The following SIRPD variants were observed in gnomAD, a reference collection of about 807,000 sequenced individuals.
SIRPD encodes the protein signal regulatory protein delta, also known as signal-regulatory protein delta.
SIRPD carries 21 observed loss-of-function variants against 18.0 expected under a neutral mutation model. That is an observed-to-expected ratio of 1.17 (90% confidence interval 0.83 to 1.68). The LOEUF is 1.68. Among genes scored for constraint, SIRPD ranks in the 40% most tolerant of loss-of-function variants. The pLI is 0.00. For missense variants in SIRPD, 295 were observed against 238.4 expected, an observed-to-expected ratio of 1.24 and a Z score of -1.56; for synonymous variants, 106 against 92.9, an observed-to-expected ratio of 1.14 and a Z score of -0.81.
chr20:1,551,957 C>T lies in SIRPD; in HGVS notation c.155G>A (p.Ser52Asn), dbSNP rs1200417198. Residue 52 changes from serine (S) to asparagine (N), a missense_variant, in exon 2 of 4, where the codon AGC becomes AAC. Physicochemically the swap from Ser to Asn is conservative, Grantham distance 46. Transcript: ENST00000381623. Reference sequence around the variant, plus strand: ...TCCATTTGGTAAGGTATTGGGTACGCTGCAACTCAAGATGATTGACTCCCC... The same window carrying T: ...TCCATTTGGTAAGGTATTGGGTACGTTGCAACTCAAGATGATTGACTCCCC... ...STGESIILSCSVPNTLPNGPV... is the reference protein window; with the variant it reads ...STGESIILSCNVPNTLPNGPV... 2 of 1,614,040 alleles carry T rather than the reference C, an allele frequency of 1.2e-6. No individual in the cohort carries two copies. Among genetic ancestry groups the T allele is most frequent in the Non-Finnish European group, 1.7e-6 (2 of 1,179,978 alleles).
chr20:1,540,283 T>C, intron 2 of SIRPD: 1 of 456,060 alleles, frequency 2.2e-6, no homozygotes, highest in South Asian at 1.5e-5. Flanking sequence ...GATGCCTTGA[T>C]TTCAGTCCAG....
chr20:1,543,024 C>T lies in SIRPD; in HGVS notation c.422-5714G>A, dbSNP rs928094013. Among the ~76,000 whole-genome samples, 5 of 152,142 alleles carry T rather than the reference C, an allele frequency of 3.3e-5. 1 individual carries two copies. The highest frequency in any genetic ancestry group is 4.1e-4 in the South Asian group (2 of 4,832). On this transcript the variant is annotated intron_variant, in intron 2 of 3. Transcript: ENST00000381623. ...AAGATTTTTAATGTGCTGCTGCATT[C>T]GGTTAGCCAGTATTTTATTGAGGAT...
At chr20:1,556,929 A>G (rs1417718302) in intron 1 of SIRPD, among the ~76,000 whole-genome samples, 1 of 152,222 alleles carries the variant, frequency 6.6e-6, no homozygotes, top group Non-Finnish European at 1.5e-5. Flanking sequence ...ACAGAGAAAT[A>G]AAAAACTGAA....
rs200908978 is a variant in SIRPD, at chr20:1,534,339, A to C, written c.*86T>G. On this transcript the variant is annotated 3_prime_UTR_variant, in exon 4 of 4. Transcript: ENST00000381623. ...AAAGCTCTCTTGAAGAAGGCAAATGAAACTCCTAAAAAGTAGCTGTCTCCA... is the reference window on the plus strand; with the variant it reads ...AAAGCTCTCTTGAAGAAGGCAAATGCAACTCCTAAAAAGTAGCTGTCTCCA... The C allele has an allele frequency of 3.8e-6, 6 of 1,574,944 alleles. No individual in the cohort carries two copies. The South Asian group carries it at 5.8e-5, about 15-fold the overall frequency.
chr20:1,554,493 G>A (rs879559400), intron 1 of SIRPD, among the ~76,000 whole-genome samples: 1 of 152,150 alleles, frequency 6.6e-6, no homozygotes, highest in Non-Finnish European at 1.5e-5. Context: ...ATAGGAGAAT[G>A]ACACTTTCCT....
intron 3 of SIRPD, among the ~76,000 whole-genome samples, chr20:1,535,164 A>G (rs1352911955): frequency 6.6e-6 from 1 of 152,244 alleles, no homozygotes; most frequent in Non-Finnish European, 1.5e-5. Flanking sequence ...TACATAGAAA[A>G]GGGTCCCCAA....
intron 2 of SIRPD, among the ~76,000 whole-genome samples, chr20:1,547,901 T>C (rs2091001026): frequency 6.6e-6 from 1 of 152,218 alleles, no homozygotes; most frequent in Admixed American, 6.5e-5. Context: ...TCCAAGTGTG[T>C]GGAAATGTAA....
At chr20:1,537,601 C>G (rs1600062082) in intron 2 of SIRPD, among the ~76,000 whole-genome samples, 1 of 152,142 alleles carries the variant, frequency 6.6e-6, no homozygotes, top group Admixed American at 6.5e-5. Context: ...AACGGTGTGT[C>G]CAGCCTCCTG....
chr20:1,541,896 A>G (rs1386409902), intron 2 of SIRPD, among the ~76,000 whole-genome samples: 1 of 152,190 alleles, frequency 6.6e-6, no homozygotes, highest in Non-Finnish European at 1.5e-5. Flanking sequence ...TAAATAGGGA[A>G]TCCTTTCCCC....
At position 1,555,365 on chromosome 20, in the gene SIRPD, G is replaced by T. The variant is rs535901277; in HGVS notation, c.73+2216C>A. ...AGAGTTGGACAAGGAAATGGGAGAT[G>T]CTGGTCAAAGCCTATAAAGTTGTAG... On this transcript the variant is annotated intron_variant, in intron 1 of 3. Coordinates refer to ENST00000381623, the MANE Select transcript of SIRPD (RefSeq NM_178460.3). Among the ~76,000 whole-genome samples the T allele has an allele frequency of 3.9e-5, 6 of 152,336 alleles. No homozygotes were observed. The East Asian group carries it at 9.6e-4, about 24-fold the overall frequency.
intron 3 of SIRPD, 59 bp from the exon 4 acceptor site, chr20:1,534,500 C>A: frequency 6.6e-7 from 1 of 1,505,270 alleles, no homozygotes; most frequent in Non-Finnish European, 9.1e-7. Flanking sequence ...AAGCTAAGAG[C>A]AGACACAATT....
chr20:1,549,505 G>A (rs1326193135), intron 2 of SIRPD, among the ~76,000 whole-genome samples: 1 of 151,696 alleles, frequency 6.6e-6, no homozygotes, highest in Non-Finnish European at 1.5e-5. Context: ...CACAACCACC[G>A]AGGCTTGTTA....
chr20:1,544,328 C>T (rs1474476640), intron 2 of SIRPD, among the ~76,000 whole-genome samples: 1 of 152,050 alleles, frequency 6.6e-6, no homozygotes, highest in Admixed American at 6.5e-5. Context: ...GGATAGTTAG[C>T]TCTTTTTGTT....
intron 2 of SIRPD, among the ~76,000 whole-genome samples, chr20:1,548,749 C>T (rs1327185680): frequency 8.5e-6 from 1 of 117,236 alleles, no homozygotes; most frequent in Admixed American, 8.1e-5. Context: ...TATAGGCACA[C>T]ATTTTTTCAT....
At chr20:1,541,736 T>C (rs1172374413) in intron 2 of SIRPD, among the ~76,000 whole-genome samples, 1 of 152,240 alleles carries the variant, frequency 6.6e-6, no homozygotes, top group Non-Finnish European at 1.5e-5. Flanking sequence ...TGAATGGTAT[T>C]GTCTAGGTTT....
In SIRPD at chr20:1,544,407, G is replaced by C. The variant is rs1302643133; in HGVS notation, c.422-7097C>G. 2.8e-4 allele frequency among the ~76,000 whole-genome samples: 41 copies of C among 147,628 alleles called. 1 individual carries two copies. On this transcript the variant is annotated intron_variant, in intron 2 of 3. Coordinates refer to ENST00000381623, the MANE Select transcript of SIRPD (RefSeq NM_178460.3). ...TTTGATCTTTGTTGGTTTAAAGTCTGTTTTATCAGAGACTAGGATTGCAAC... is the reference window on the plus strand; with the variant it reads ...TTTGATCTTTGTTGGTTTAAAGTCTCTTTTATCAGAGACTAGGATTGCAAC...
intron 2 of SIRPD, among the ~76,000 whole-genome samples, chr20:1,547,406 T>G (rs566575961): frequency 6.6e-6 from 1 of 152,286 alleles, no homozygotes; most frequent in Admixed American, 6.5e-5. Flanking sequence ...GGACTTGTAG[T>G]GAACTTTTAT....
intron 2 of SIRPD, chr20:1,540,137 A>G: frequency 3.0e-6 from 1 of 336,768 alleles, no homozygotes; most frequent in South Asian, 2.3e-5. Context: ...AATGGAACAC[A>G]GAGAGATTTA....
Position 1,537,267 on chromosome 20 carries a change from T to C in SIRPD, c.465A>G (p.Ala155=). ...GGGCATCATGGTGGGCCCTGGAGCCTGCTCTGCCTGCAGGTCTGTTCTTGG... is the reference window on the plus strand; with the variant it reads ...GGGCATCATGGTGGGCCCTGGAGCCCGCTCTGCCTGCAGGTCTGTTCTTGG... ...RPPKNRPAGR[A]GSRAHHDAHT... Residue 155 remains alanine, a synonymous_variant, in exon 3 of 4, where the codon GCA becomes GCG. Coordinates refer to ENST00000381623, the MANE Select transcript of SIRPD (RefSeq NM_178460.3). 1 of 1,614,126 alleles carries C rather than the reference T, an allele frequency of 6.2e-7. No homozygotes were observed. Among genetic ancestry groups the C allele is most frequent in the Non-Finnish European group, 8.5e-7 (1 of 1,180,002 alleles).
Sources: allele counts gnomAD v4.1 joint callset (sites outside exome capture counted in the v4.1 genomes callset), GRCh38; gene constraint gnomAD v4.1.1; transcripts MANE v1.5; gene names NCBI Gene and HGNC (gene_info 2026-07-23, HGNC 2026-07-21).